MEGF11: variants seen among roughly 807,000 people sequenced by gnomAD.
MEGF11 encodes multiple EGF like domains 11.
MEGF11 carries 126 observed loss-of-function variants against 146.6 expected under a neutral mutation model. The observed-to-expected ratio is 0.86, with a 90% CI of 0.74 to 1.00. MEGF11 has a LOEUF of 1.00. Among genes scored for constraint, MEGF11 ranks in the 50% least tolerant of loss-of-function variants. The pLI, the probability that MEGF11 is intolerant of heterozygous loss-of-function variation, is 0.00. For missense variants in MEGF11, 1,509 were observed against 1,521.2 expected, an observed-to-expected ratio of 0.99 and a Z score of 0.13; for synonymous variants, 532 against 583.4, an observed-to-expected ratio of 0.91 and a Z score of 1.27.
At chr15:66,191,702 G>A (rs1356715037) in intron 1 of MEGF11, among the ~76,000 whole-genome samples, 1 of 152,106 alleles carries the variant, frequency 6.6e-6, no homozygotes, top group African/African-American at 2.4e-5. Context: ...CCTTGAGGAG[G>A]GCATGGGAAT....
intron 1 of MEGF11, among the ~76,000 whole-genome samples, chr15:66,134,206 A>G (rs1018428751): frequency 6.6e-6 from 1 of 151,340 alleles, no homozygotes; most frequent in African/African-American, 2.5e-5. Flanking sequence ...CGCCAAACTA[A>G]TAAAGCGCCA....
chr15:65,916,361 CTT>C, intron 17 of MEGF11, 85 bp from the exon 18 acceptor site: 2 of 1,459,950 alleles, frequency 1.4e-6, no homozygotes, highest in South Asian at 2.7e-5. Context: ...TCTTCTGTCT[CTT>C]TTTTTGCTGA....
chr15:66,125,848 C>T (rs1276980539), intron 2 of MEGF11, among the ~76,000 whole-genome samples: 3 of 152,196 alleles, frequency 2.0e-5, no homozygotes, highest in Non-Finnish European at 4.4e-5. Flanking sequence ...CCCTTTTCAG[C>T]CCTAACATAG....
At chr15:66,175,027 T>C (rs2090356465) in intron 1 of MEGF11, among the ~76,000 whole-genome samples, 1 of 152,254 alleles carries the variant, frequency 6.6e-6, no homozygotes, top group Admixed American at 6.5e-5. Context: ...GAAATGCTAC[T>C]GAGTTTTGTG....
At chr15:66,141,231 G>GA (rs2089133176) in intron 1 of MEGF11, among the ~76,000 whole-genome samples, 1 of 107,236 alleles carries the variant, frequency 9.3e-6, no homozygotes. Flanking sequence ...TGCAGACTCA[G>GA]GGGTGTGTGT....
intron 10 of MEGF11, 144 bp downstream of exon 10, chr15:65,957,403 G>A: frequency 2.6e-6 from 2 of 756,586 alleles, no homozygotes; most frequent in Non-Finnish European, 4.2e-6. Flanking sequence ...ACAGCTTCAG[G>A]GGCTCTCCCC....
chr15:66,228,224 G>A (rs2091893941), intron 1 of MEGF11, among the ~76,000 whole-genome samples: 1 of 152,130 alleles, frequency 6.6e-6, no homozygotes, highest in South Asian at 2.1e-4. Flanking sequence ...ATCACAGCAG[G>A]AAGGCTCTTC....
Position 66,035,008 on chromosome 15 carries a change from C to T in MEGF11, c.395-52520G>A, listed in dbSNP as rs149679178. Among the ~76,000 whole-genome samples the T allele has an allele frequency of 8.2e-3, 1,242 of 152,272 alleles. 24 individuals carry two copies. The highest frequency in any genetic ancestry group is 0.028 in the African/African-American group (1,164 of 41,538). On this transcript the variant is annotated intron_variant, in intron 5 of 25. Transcript: ENST00000395614. ...AGGCCCTCACCAGATGCCAGTGTCA[C>T]GCTCTCGTACTTCCCAGCCTTCAGA...
At chr15:66,094,053 G>A (rs780717934) in intron 5 of MEGF11, among the ~76,000 whole-genome samples, 20 of 152,138 alleles carry the variant, frequency 1.3e-4, no homozygotes, top group Non-Finnish European at 2.6e-4. Context: ...AGGGCTAGAC[G>A]ACGGCGACCT....
intron 1 of MEGF11, 27 bp from the exon 2 acceptor site, chr15:66,128,438 G>A (rs758540219): frequency 1.8e-4 from 237 of 1,346,724 alleles, no homozygotes; most frequent in Non-Finnish European, 2.2e-4. Context: ...AGGAGGCTGC[G>A]TCTGTGATCA....
At chr15:65,939,829 C>A (rs2079922112) in intron 10 of MEGF11, among the ~76,000 whole-genome samples, 1 of 152,160 alleles carries the variant, frequency 6.6e-6, no homozygotes, top group Admixed American at 6.5e-5. Flanking sequence ...ACTTCCAGGG[C>A]AAGTTTCCCT....
intron 1 of MEGF11, among the ~76,000 whole-genome samples, chr15:66,162,868 T>C (rs536561147): frequency 7.2e-5 from 11 of 152,174 alleles, no homozygotes; most frequent in Admixed American, 1.3e-4. Context: ...AAAAAAGAAA[T>C]CTAATTGAAT....
chr15:66,234,241 C>T (rs774582944), intron 1 of MEGF11, among the ~76,000 whole-genome samples: 1 of 152,202 alleles, frequency 6.6e-6, no homozygotes, highest in Non-Finnish European at 1.5e-5. Context: ...CTACTGCAGC[C>T]ATGTCACCAC....
At chr15:65,968,038 A>G (rs2081170538) in intron 8 of MEGF11, among the ~76,000 whole-genome samples, 1 of 152,208 alleles carries the variant, frequency 6.6e-6, no homozygotes, top group Non-Finnish European at 1.5e-5. Flanking sequence ...AGATGACCCC[A>G]GATTGTCTTT....
At chr15:66,214,748 C>T (rs1242145841) in intron 1 of MEGF11, among the ~76,000 whole-genome samples, 1 of 152,096 alleles carries the variant, frequency 6.6e-6, no homozygotes, top group Non-Finnish European at 1.5e-5. Flanking sequence ...GGCCTCTCCT[C>T]AAAGGAACTC....
At chr15:66,179,215 C>T (rs1001275778) in intron 1 of MEGF11, among the ~76,000 whole-genome samples, 1 of 152,214 alleles carries the variant, frequency 6.6e-6, no homozygotes, top group African/African-American at 2.4e-5. Context: ...TCACCGCAAC[C>T]TCTGCCTCCC....
At chr15:66,171,510 G>A (rs1424243122) in intron 1 of MEGF11, among the ~76,000 whole-genome samples, 1 of 152,150 alleles carries the variant, frequency 6.6e-6, no homozygotes, top group Non-Finnish European at 1.5e-5. Flanking sequence ...ATGGGTGGGG[G>A]TCCCTGAAGA....
chr15:66,187,982 C>T lies in MEGF11; in HGVS notation c.-8-59571G>A, dbSNP rs368594376. Among the ~76,000 whole-genome samples the T allele has an allele frequency of 5.3e-5, 8 of 152,316 alleles. No homozygotes were observed. The South Asian group carries it at 8.3e-4, about 16-fold the overall frequency. ...AACTATCAAGCAGTTCAAGTATACA[C>T]GCATGCACACACTTCCAACCTTAGC... On this transcript the variant is annotated intron_variant, in intron 1 of 25. Transcript: ENST00000395614.
At chr15:66,020,670 A>G (rs1440230513) in intron 5 of MEGF11, among the ~76,000 whole-genome samples, 1 of 152,108 alleles carries the variant, frequency 6.6e-6, no homozygotes, top group East Asian at 1.9e-4. Context: ...GCTGGTCCCA[A>G]TTCCCTCACT....
Sources: gnomAD v4.1 joint callset for allele counts (sites outside exome capture counted in the v4.1 genomes callset) on GRCh38, gnomAD v4.1.1 for gene constraint, MANE v1.5 for transcripts, NCBI Gene and HGNC (gene_info 2026-07-23, HGNC 2026-07-21) for gene names.